Variants in SAMD5 observed in about 807,000 individuals in gnomAD.
SAMD5 encodes the protein sterile alpha motif domain-containing protein 5.
Under a neutral mutation model 11.3 loss-of-function variants are expected in SAMD5, and 13 were observed. The ratio of observed to expected loss-of-function variants is 1.15; its 90% CI spans 0.75 to 1.83. The LOEUF (loss-of-function observed/expected upper bound fraction) is 1.83, where lower values mean the gene tolerates loss of function less well. Among genes scored for constraint, SAMD5 ranks in the 40% most tolerant of loss-of-function variants. The pLI is 0.00. For synonymous variants in SAMD5, 129 were observed against 111.3 expected, an observed-to-expected ratio of 1.16 and a Z score of -1.00; for missense variants, 255 against 239.1, an observed-to-expected ratio of 1.07 and a Z score of -0.44.
In SAMD5 at chr6:147,567,750, A is replaced by G. The variant is rs1233102671; in HGVS notation, c.*3294A>G. 5 of 985,236 alleles carry G rather than the reference A, an allele frequency of 5.1e-6. No individual in the cohort carries two copies. Among genetic ancestry groups the G allele is most frequent in the Non-Finnish European group, 6.0e-6 (5 of 829,914 alleles). The allele number at this position is 985,236 out of a possible 1,614,324, so 61.0% of individuals were successfully genotyped here. On this transcript the variant is annotated 3_prime_UTR_variant, in exon 2 of 2. Transcript: ENST00000367474. The stretch of plus-strand genomic sequence containing the variant: ...AGACATAAATTGACATTTCCTTATC[A>G]TTGCCTGAAACCCACTGAATAAGTC...
chr6:147,682,200 G>T (rs73011962), intron 1 of SAMD5, among the ~76,000 whole-genome samples: 4 of 152,022 alleles, frequency 2.6e-5, no homozygotes, highest in African/African-American at 9.7e-5. Context: ...ATACAGTAAG[G>T]TGGAGCAATG....
the SAMD5 span, among the ~76,000 whole-genome samples, chr6:147,848,870 T>G: frequency 6.6e-6 from 1 of 152,248 alleles, no homozygotes; most frequent in Non-Finnish European, 1.5e-5. Flanking sequence ...ATAAATTCCC[T>G]TAGGCATTTG....
chr6:147,751,095 A>G, the SAMD5 span, among the ~76,000 whole-genome samples: 1 of 152,116 alleles, frequency 6.6e-6, no homozygotes, highest in Non-Finnish European at 1.5e-5. Context: ...CTGCTCCTGG[A>G]ACACACCAGA....
the SAMD5 span, among the ~76,000 whole-genome samples, chr6:147,944,614 C>T: frequency 2.0e-5 from 3 of 152,200 alleles, no homozygotes; most frequent in Non-Finnish European, 4.4e-5. Flanking sequence ...AATTCCCATC[C>T]TGAAAAACTA....
intron 1 of SAMD5, among the ~76,000 whole-genome samples, chr6:147,713,421 G>T (rs569920807): frequency 2.6e-5 from 4 of 152,126 alleles, no homozygotes; most frequent in Non-Finnish European, 5.9e-5. Context: ...GAAGAATGAG[G>T]ACATAACCTG....
chr6:147,511,187 C>T (rs545616807), intron 1 of SAMD5, among the ~76,000 whole-genome samples: 27 of 152,260 alleles, frequency 1.8e-4, no homozygotes, highest in South Asian at 4.1e-4. Context: ...GCAGGGACAC[C>T]GTGGGCTGGA....
intron 1 of SAMD5, among the ~76,000 whole-genome samples, chr6:147,651,112 A>G (rs970595220): frequency 6.6e-6 from 1 of 152,236 alleles, no homozygotes; most frequent in Non-Finnish European, 1.5e-5. Context: ...AAACGCCACT[A>G]TTCAGAATGT....
the SAMD5 span, among the ~76,000 whole-genome samples, chr6:147,746,829 C>A: frequency 6.6e-6 from 1 of 152,186 alleles, no homozygotes; most frequent in Non-Finnish European, 1.5e-5. Context: ...GCAGGGGTCA[C>A]TAGGCGGCAG....
the SAMD5 span, among the ~76,000 whole-genome samples, chr6:147,914,812 A>C: frequency 6.6e-6 from 1 of 152,202 alleles, no homozygotes; most frequent in African/African-American, 2.4e-5. Flanking sequence ...CAGATGTAAT[A>C]TCATAAGAAA....
the SAMD5 span, among the ~76,000 whole-genome samples, chr6:147,768,906 G>A: frequency 1.3e-5 from 2 of 152,134 alleles, no homozygotes; most frequent in African/African-American, 4.8e-5. Flanking sequence ...CGATTCTCCT[G>A]CCTCAGCCTC....
chr6:147,894,880 T>A, the SAMD5 span, among the ~76,000 whole-genome samples: 1 of 152,252 alleles, frequency 6.6e-6, no homozygotes, highest in Non-Finnish European at 1.5e-5. Flanking sequence ...GTCATGATTC[T>A]AAACTCTGTG....
the SAMD5 span, among the ~76,000 whole-genome samples, chr6:147,767,091 A>C: frequency 6.6e-6 from 1 of 152,242 alleles, no homozygotes; most frequent in Non-Finnish European, 1.5e-5. Flanking sequence ...TGTTTAACCA[A>C]AAGTTGTTAT....
At chr6:147,769,030 G>T in the SAMD5 span, among the ~76,000 whole-genome samples, 1 of 152,174 alleles carries the variant, frequency 6.6e-6, no homozygotes. Flanking sequence ...CTGACCTCAG[G>T]TTATCCACCT....
chr6:147,793,378 C>A, the SAMD5 span, among the ~76,000 whole-genome samples: 1 of 151,178 alleles, frequency 6.6e-6, no homozygotes, highest in Non-Finnish European at 1.5e-5. Flanking sequence ...CTGTCCCAGC[C>A]AAGAGGAACT....
At chr6:147,841,086 A>G in the SAMD5 span, among the ~76,000 whole-genome samples, 1 of 152,338 alleles carries the variant, frequency 6.6e-6, no homozygotes, top group Non-Finnish European at 1.5e-5. Context: ...TCTAGGGTGC[A>G]CATATAGCTA....
chr6:147,745,158 A>T, the SAMD5 span, among the ~76,000 whole-genome samples: 1 of 152,084 alleles, frequency 6.6e-6, no homozygotes, highest in African/African-American at 2.4e-5. Context: ...TTACAAATGA[A>T]ATTACGCCTA....
the SAMD5 span, among the ~76,000 whole-genome samples, chr6:147,799,262 TG>T: frequency 6.6e-6 from 1 of 152,194 alleles, no homozygotes; most frequent in South Asian, 2.1e-4. Context: ...AGGGCAGGCC[TG>T]GTGGTGACAA....
intron 1 of SAMD5, among the ~76,000 whole-genome samples, chr6:147,672,710 T>G (rs1374735818): frequency 6.6e-6 from 1 of 152,156 alleles, no homozygotes; most frequent in Non-Finnish European, 1.5e-5. Flanking sequence ...TTTTTTTTGT[T>G]GCATATATCT....
chr6:147,843,353 T>C, the SAMD5 span, among the ~76,000 whole-genome samples: 1 of 152,150 alleles, frequency 6.6e-6, no homozygotes, highest in Non-Finnish European at 1.5e-5. Context: ...ATGACATAAA[T>C]AAATGGAAGG....
Sources: allele counts gnomAD v4.1 joint callset (sites outside exome capture counted in the v4.1 genomes callset), GRCh38; gene constraint gnomAD v4.1.1; transcripts MANE v1.5; gene names NCBI Gene and HGNC (gene_info 2026-07-23, HGNC 2026-07-21).